RAPGEF4: variants seen among roughly 807,000 people sequenced by gnomAD.
RAPGEF4 encodes the protein Rap guanine nucleotide exchange factor 4, also known as RAP guanine-nucleotide-exchange factor (GEF) 4.
A neutral mutation model predicts 147.9 loss-of-function variants in RAPGEF4; 66 were observed. The observed-to-expected ratio is 0.45, with a 90% CI of 0.37 to 0.55. The LOEUF (loss-of-function observed/expected upper bound fraction) is 0.55, where lower values mean the gene tolerates loss of function less well. Ranked by LOEUF, RAPGEF4 falls within the 20% of genes least tolerant of loss-of-function variation. RAPGEF4 has a pLI of 0.00. For missense variants in RAPGEF4, 1,071 were observed against 1,257.3 expected, an observed-to-expected ratio of 0.85 and a Z score of 2.24; for synonymous variants, 419 against 442.7, an observed-to-expected ratio of 0.95 and a Z score of 0.67.
intron 1 of RAPGEF4, among the ~76,000 whole-genome samples, chr2:172,776,334 T>C (rs184366023): frequency 6.6e-6 from 1 of 152,318 alleles, no homozygotes; most frequent in East Asian, 1.9e-4. Flanking sequence ...CAGCCTAGAT[T>C]AACAAGGAGG....
intron 4 of RAPGEF4, among the ~76,000 whole-genome samples, chr2:172,881,374 T>C (rs986438746): frequency 5.9e-5 from 9 of 152,240 alleles, no homozygotes; most frequent in African/African-American, 1.9e-4. Context: ...CGAATGCTTT[T>C]TATAATTTCC....
At chr2:172,816,281 C>T (rs1688495025) in intron 4 of RAPGEF4, among the ~76,000 whole-genome samples, 1 of 152,040 alleles carries the variant, frequency 6.6e-6, no homozygotes, top group African/African-American at 2.4e-5. Context: ...CTCTCTCCCT[C>T]TCTCCCCCTT....
At chr2:172,777,371 A>G (rs1051878535) in intron 1 of RAPGEF4, among the ~76,000 whole-genome samples, 2 of 152,216 alleles carry the variant, frequency 1.3e-5, no homozygotes, top group African/African-American at 2.4e-5. Flanking sequence ...ATTTAAAAAA[A>G]AAACCCTGCT....
At chr2:173,005,940 T>C (rs1694434623) in intron 17 of RAPGEF4, among the ~76,000 whole-genome samples, 1 of 149,086 alleles carries the variant, frequency 6.7e-6, no homozygotes, top group East Asian at 2.0e-4. Flanking sequence ...GTAATGGACA[T>C]TGTGGTTGAT....
chr2:172,757,824 T>C (rs1387790579), intron 1 of RAPGEF4, among the ~76,000 whole-genome samples: 1 of 152,234 alleles, frequency 6.6e-6, no homozygotes, highest in Non-Finnish European at 1.5e-5. Context: ...TGTAATGAGA[T>C]TAATTCTTGC....
At chr2:172,796,867 G>C (rs1407684275) in intron 2 of RAPGEF4, among the ~76,000 whole-genome samples, 1 of 152,166 alleles carries the variant, frequency 6.6e-6, no homozygotes, top group Non-Finnish European at 1.5e-5. Flanking sequence ...TATTTAAAAG[G>C]ACAGTTAGTT....
At chr2:172,960,858 T>A in intron 7 of RAPGEF4, 45 bp downstream of exon 7, 1 of 1,479,194 alleles carries the variant, frequency 6.8e-7, no homozygotes, top group Non-Finnish European at 9.3e-7. Context: ...GCTAGCTTCT[T>A]AAGTACCTCT....
chr2:172,907,668 G>C (rs1699759250), intron 4 of RAPGEF4, among the ~76,000 whole-genome samples: 1 of 152,192 alleles, frequency 6.6e-6, no homozygotes, highest in African/African-American at 2.4e-5. Context: ...TAGGTGTGTT[G>C]TGGGTCATTG....
chr2:172,759,901 A>C (rs1259493867), intron 1 of RAPGEF4, among the ~76,000 whole-genome samples: 1 of 152,246 alleles, frequency 6.6e-6, no homozygotes, highest in East Asian at 1.9e-4. Flanking sequence ...GAAAGACTCT[A>C]AAAGGCAGAG....
chr2:173,025,131 G>A (rs1184959741), intron 23 of RAPGEF4, among the ~76,000 whole-genome samples: 1 of 152,192 alleles, frequency 6.6e-6, no homozygotes, highest in Non-Finnish European at 1.5e-5. Flanking sequence ...CACATGTGTT[G>A]TTGCTTCTGT....
chr2:172,853,295 A>G (rs777768445), intron 4 of RAPGEF4, among the ~76,000 whole-genome samples: 2 of 152,010 alleles, frequency 1.3e-5, no homozygotes, highest in Non-Finnish European at 2.9e-5. Context: ...TTGATAACAC[A>G]TTCAATTGCT....
At chr2:173,017,153 T>A in intron 19 of RAPGEF4, 21 bp from the exon 20 acceptor site, 1 of 1,609,892 alleles carries the variant, frequency 6.2e-7, no homozygotes, top group East Asian at 2.2e-5. Context: ...TTAAATAATG[T>A]GCTTTCTCTA....
chr2:173,047,575 T>G (rs1421224338), intron 29 of RAPGEF4, among the ~76,000 whole-genome samples: 1 of 152,196 alleles, frequency 6.6e-6, no homozygotes, highest in African/African-American at 2.4e-5. Flanking sequence ...TATTTTTAAA[T>G]ATAAGAAGGC....
chr2:172,969,052 A>G (rs1433096065), intron 10 of RAPGEF4, among the ~76,000 whole-genome samples: 1 of 152,202 alleles, frequency 6.6e-6, no homozygotes, highest in Non-Finnish European at 1.5e-5. Context: ...GCCCACTGCT[A>G]GCACTCACTG....
intron 4 of RAPGEF4, among the ~76,000 whole-genome samples, chr2:172,913,886 G>C (rs1310369423): frequency 1.3e-5 from 2 of 152,166 alleles, no homozygotes; most frequent in Non-Finnish European, 2.9e-5. Context: ...CAGCCACCCA[G>C]ATCTCTTTTC....
intron 6 of RAPGEF4, among the ~76,000 whole-genome samples, chr2:172,946,189 G>T (rs978355587): frequency 1.3e-5 from 2 of 151,948 alleles, no homozygotes; most frequent in African/African-American, 4.8e-5. Context: ...TATGTAAAAA[G>T]GAAAGATACA....
At chr2:172,816,538 C>T (rs16860902) in intron 4 of RAPGEF4, among the ~76,000 whole-genome samples, 2,194 of 152,226 alleles carry the variant, frequency 0.014, 52 homozygotes, top group African/African-American at 0.051. Flanking sequence ...CGTTTGATCC[C>T]TTGGTTAGGT....
At chr2:172,847,829 G>A (rs1025641536) in intron 4 of RAPGEF4, among the ~76,000 whole-genome samples, 1 of 152,174 alleles carries the variant, frequency 6.6e-6, no homozygotes, top group African/African-American at 2.4e-5. Flanking sequence ...ATAGGACCAT[G>A]TGTTAGCCTT....
intron 29 of RAPGEF4, among the ~76,000 whole-genome samples, chr2:173,041,625 T>C (rs1277620159): frequency 6.6e-6 from 1 of 152,184 alleles, no homozygotes; most frequent in Non-Finnish European, 1.5e-5. Context: ...GAAAGAAAAC[T>C]TCATGCAGTT....
Sources: gnomAD v4.1 joint callset for allele counts (sites outside exome capture counted in the v4.1 genomes callset) on GRCh38, gnomAD v4.1.1 for gene constraint, MANE v1.5 for transcripts, NCBI Gene and HGNC (gene_info 2026-07-23, HGNC 2026-07-21) for gene names.